Variants in DNAJC5B observed in about 807,000 individuals in gnomAD.
DNAJC5B encodes DnaJ heat shock protein family (Hsp40) member C5 beta.
Under a neutral mutation model 24.7 loss-of-function variants are expected in DNAJC5B, and 23 were observed. That is an observed-to-expected ratio of 0.93 (90% confidence interval 0.67 to 1.32). The LOEUF (loss-of-function observed/expected upper bound fraction) is 1.32. DNAJC5B is among the 40% of genes most tolerant of loss of function. The pLI is 0.00. For missense variants in DNAJC5B, 238 were observed against 240.8 expected, an observed-to-expected ratio of 0.99 and a Z score of 0.08; for synonymous variants, 101 against 90.1, an observed-to-expected ratio of 1.12 and a Z score of -0.68.
chr8:66,050,117 A>C (rs1206323585), intron 2 of DNAJC5B, among the ~76,000 whole-genome samples: 1 of 152,218 alleles, frequency 6.6e-6, no homozygotes, highest in Non-Finnish European at 1.5e-5. Flanking sequence ...TTCTTTCCCA[A>C]GTACCCAGAA....
intron 2 of DNAJC5B, among the ~76,000 whole-genome samples, chr8:66,045,707 C>T (rs894448840): frequency 2.0e-5 from 3 of 152,062 alleles, no homozygotes; most frequent in Non-Finnish European, 4.4e-5. Context: ...TCTCTTTTTC[C>T]ACACCTGGGA....
intron 5 of DNAJC5B, among the ~76,000 whole-genome samples, chr8:66,094,613 C>T (rs970706777): frequency 6.6e-6 from 1 of 151,928 alleles, no homozygotes; most frequent in Non-Finnish European, 1.5e-5. Context: ...CATCTCTTAT[C>T]ATTTTTTATT....
chr8:66,090,250 C>CGTGT (rs1563612274), intron 5 of DNAJC5B, among the ~76,000 whole-genome samples: 2 of 111,116 alleles, frequency 1.8e-5, no homozygotes, highest in Non-Finnish European at 4.0e-5. Context: ...TGCGTGCAGG[C>CGTGT]ATGTGTGTGT....
intron 1 of DNAJC5B, among the ~76,000 whole-genome samples, chr8:66,040,645 C>T (rs1300681139): frequency 6.6e-6 from 1 of 152,112 alleles, no homozygotes; most frequent in Non-Finnish European, 1.5e-5. Context: ...GGCTCTCGAT[C>T]CAGGCAGCTC....
Position 66,034,358 on chromosome 8 carries a change from T to C in DNAJC5B, c.-141-9130T>C, listed in dbSNP as rs1806433043. ...AGACCCTGGGTCTGCAGTGCCAGCA[T>C]TCACCCCACCAGCAGATGGACATAC... On this transcript the variant is annotated intron_variant, in intron 1 of 5. Transcript: ENST00000276570. Among the ~76,000 whole-genome samples the C allele has an allele frequency of 2.0e-5, 3 of 151,842 alleles. 1 individual carries two copies. The South Asian group carries it at 6.2e-4, about 32-fold the overall frequency.
intron 3 of DNAJC5B, among the ~76,000 whole-genome samples, chr8:66,072,462 T>C: frequency 6.6e-6 from 1 of 152,258 alleles, no homozygotes; most frequent in South Asian, 2.1e-4. Context: ...TATATACCCT[T>C]TTCAAACACA....
intron 1 of DNAJC5B, among the ~76,000 whole-genome samples, chr8:66,029,884 C>A (rs958867049): frequency 3.3e-5 from 5 of 152,014 alleles, no homozygotes; most frequent in African/African-American, 1.2e-4. Flanking sequence ...TGGGGGTGGT[C>A]GAGAGCCCCT....
At chr8:66,015,002 G>A in the DNAJC5B span, among the ~76,000 whole-genome samples, 71,335 of 151,982 alleles carry the variant, frequency 0.47, 21,532 homozygotes, top group African/African-American at 0.86. Context: ...TACAGATAAC[G>A]GCAAGATCTC....
intron 1 of DNAJC5B, among the ~76,000 whole-genome samples, chr8:66,026,940 GT>G (rs899588132): frequency 1.3e-5 from 2 of 152,192 alleles, no homozygotes; most frequent in African/African-American, 4.8e-5. Flanking sequence ...AATTTTTATT[GT>G]ATTTGTATAA....
intron 3 of DNAJC5B, among the ~76,000 whole-genome samples, chr8:66,072,135 A>G (rs1348506014): frequency 1.3e-5 from 2 of 152,154 alleles, no homozygotes; most frequent in Admixed American, 1.3e-4. Flanking sequence ...CCACCATGGC[A>G]CGTGTGTACC....
chr8:66,041,697 G>T (rs1407335669), intron 1 of DNAJC5B, among the ~76,000 whole-genome samples: 1 of 152,200 alleles, frequency 6.6e-6, no homozygotes, highest in African/African-American at 2.4e-5. Context: ...TTTGAATCAA[G>T]GAATTGTTTA....
intron 2 of DNAJC5B, among the ~76,000 whole-genome samples, chr8:66,047,303 G>A (rs962992941): frequency 6.6e-6 from 1 of 152,096 alleles, no homozygotes; most frequent in African/African-American, 2.4e-5. Flanking sequence ...ATTGGCCTCC[G>A]CATTTGTTTT....
At chr8:66,088,551 G>C (rs1469302909) in intron 5 of DNAJC5B, among the ~76,000 whole-genome samples, 1 of 152,116 alleles carries the variant, frequency 6.6e-6, no homozygotes, top group Non-Finnish European at 1.5e-5. Flanking sequence ...TGCTCTGCTT[G>C]CCTTTTAAAC....
chr8:66,098,097 G>C (rs1243147998), intron 5 of DNAJC5B, among the ~76,000 whole-genome samples: 2 of 152,108 alleles, frequency 1.3e-5, no homozygotes, highest in Non-Finnish European at 2.9e-5. Flanking sequence ...CAGGTGATCT[G>C]CCTGCCTCGG....
At chr8:66,056,097 G>A (rs1806957095) in intron 3 of DNAJC5B, among the ~76,000 whole-genome samples, 1 of 152,132 alleles carries the variant, frequency 6.6e-6, no homozygotes, top group Admixed American at 6.6e-5. Context: ...GAAAGAGAAA[G>A]GTTAACTGGT....
chr8:66,041,997 G>T (rs945686919), intron 1 of DNAJC5B, among the ~76,000 whole-genome samples: 1 of 152,118 alleles, frequency 6.6e-6, no homozygotes, highest in African/African-American at 2.4e-5. Flanking sequence ...GTTCTTTTCA[G>T]ATCTCTGCCC....
intron 4 of DNAJC5B, among the ~76,000 whole-genome samples, chr8:66,078,687 G>C (rs1347400821): frequency 6.6e-6 from 1 of 152,136 alleles, no homozygotes. Context: ...GTGAGGTGGC[G>C]GGTGTTGTAG....
chr8:66,022,197 C>T lies in DNAJC5B; in HGVS notation c.-142+492C>T, dbSNP rs575916574. 1.6e-4 allele frequency among the ~76,000 whole-genome samples: 25 copies of T among 152,320 alleles called. 1 individual carries two copies. In the South Asian group the frequency reaches 2.9e-3, roughly 18 times the overall value. Reference sequence around the variant, plus strand: ...CTGCTGGAACATATACCGGACCCCCCACCCCGCCCCCAGCAACTCCTGCCA... The same window carrying T: ...CTGCTGGAACATATACCGGACCCCCTACCCCGCCCCCAGCAACTCCTGCCA... On this transcript the variant is annotated intron_variant, in intron 1 of 5. Transcript: ENST00000276570.
chr8:66,049,862 A>G (rs1249395010), intron 2 of DNAJC5B, among the ~76,000 whole-genome samples: 1 of 152,218 alleles, frequency 6.6e-6, no homozygotes, highest in South Asian at 2.1e-4. Flanking sequence ...AATTGATTTT[A>G]CAACTATCTG....
Sources: allele counts gnomAD v4.1 joint callset (sites outside exome capture counted in the v4.1 genomes callset), GRCh38; gene constraint gnomAD v4.1.1; transcripts MANE v1.5; gene names NCBI Gene and HGNC (gene_info 2026-07-23, HGNC 2026-07-21).